Variants in MYO5A observed in about 807,000 individuals in gnomAD.
MYO5A encodes myosin VA, also known as unconventional myosin-Va.
In MYO5A, 98 loss-of-function variants were observed where a neutral mutation model predicts 249.7. The ratio of observed to expected loss-of-function variants is 0.39; its 90% CI spans 0.33 to 0.46. The LOEUF (loss-of-function observed/expected upper bound fraction) is 0.46, where lower values mean the gene tolerates loss of function less well. Among genes scored for constraint, MYO5A ranks in the 20% least tolerant of loss-of-function variants. The pLI is 0.98. For synonymous variants in MYO5A, 778 were observed against 810.6 expected (o/e 0.96, Z 0.68); for missense variants, 1,696 against 2,308.8 (o/e 0.73, Z 5.44).
At chr15:52,375,530 T>C (rs1596366737) in intron 19 of MYO5A, 70 bp from the exon 20 acceptor site, 4 of 1,529,802 alleles carry the variant, frequency 2.6e-6, no homozygotes, top group African/African-American at 2.7e-5. Flanking sequence ...TTAGAGAAAC[T>C]TAAAGAGTGT....
Position 52,313,599 on chromosome 15 carries a change from T to G in MYO5A, c.*97A>C. On this transcript the variant is annotated 3_prime_UTR_variant, in exon 42 of 42. Transcript: ENST00000399233. The stretch of plus-strand genomic sequence containing the variant: ...TTCTCATTTGGGAGATAATCAGTAC[T>G]TTCTCTTTAAAAATGTATTTTCAGT... 6.9e-7 allele frequency: 1 copy of G among 1,453,942 alleles called. No individual in the cohort carries two copies. The highest frequency in any genetic ancestry group is 9.6e-7 in the Non-Finnish European group (1 of 1,043,260). 90.1% of individuals were successfully genotyped at this position (1,453,942 alleles called of 1,614,324 possible).
At chr15:52,493,555 G>A (rs1265050304) in intron 1 of MYO5A, among the ~76,000 whole-genome samples, 6 of 152,036 alleles carry the variant, frequency 3.9e-5, no homozygotes, top group African/African-American at 9.7e-5. Context: ...CCAGCTACTC[G>A]GGAGGCTGAG....
chr15:52,390,441 G>C (rs2042169957), intron 12 of MYO5A, among the ~76,000 whole-genome samples: 1 of 151,366 alleles, frequency 6.6e-6, no homozygotes, highest in African/African-American at 2.4e-5. Flanking sequence ...GTCAAATAAA[G>C]GTAACATCTG....
At chr15:52,336,330 G>C in intron 34 of MYO5A, 133 bp downstream of exon 34, 3 of 649,530 alleles carry the variant, frequency 4.6e-6, no homozygotes, top group Non-Finnish European at 8.3e-6. Context: ...GGTTAGGTTT[G>C]CCAAAAGTCA....
intron 34 of MYO5A, among the ~76,000 whole-genome samples, chr15:52,332,554 T>C (rs1443744701): frequency 6.6e-6 from 1 of 152,236 alleles, no homozygotes; most frequent in Non-Finnish European, 1.5e-5. Flanking sequence ...ACTAAAAACT[T>C]TCTCTCTGCC....
Position 52,389,413 on chromosome 15 carries a change from TCCTCTA to T in MYO5A, c.1543-56_1543-51del, listed in dbSNP as rs1256932948. On this transcript the variant is annotated intron_variant, in intron 12 of 41. Coordinates refer to ENST00000399233, the MANE Select transcript of MYO5A (RefSeq NM_001382347.1). ...AAGAAAACAAGGTAAATACTGTGAT[TCCTCTA>T]AAGCATCAGCTGTCAAAAGATCTTT... The T allele has an allele frequency of 5.1e-6, 8 of 1,560,290 alleles. No homozygotes were observed. The South Asian group carries it at 9.2e-5, about 18-fold the overall frequency.
intron 34 of MYO5A, 107 bp downstream of exon 34, chr15:52,336,356 C>A: frequency 2.9e-6 from 2 of 692,978 alleles, no homozygotes; most frequent in Non-Finnish European, 2.6e-6. Flanking sequence ...TGTTATTATC[C>A]CTAATATTTG....
At chr15:52,400,978 C>T (rs2042727880) in intron 9 of MYO5A, among the ~76,000 whole-genome samples, 1 of 151,922 alleles carries the variant, frequency 6.6e-6, no homozygotes, top group Admixed American at 6.6e-5. Context: ...CTTAGATCTT[C>T]TAACTGGGAT....
At chr15:52,425,602 C>T (rs768944257) in intron 4 of MYO5A, among the ~76,000 whole-genome samples, 33 of 152,268 alleles carry the variant, frequency 2.2e-4, no homozygotes, top group African/African-American at 3.6e-4. Context: ...TCAGGTAATT[C>T]GCCCACCTTG....
Position 52,507,155 on chromosome 15 carries a change from C to T in MYO5A, c.27+21625G>A, listed in dbSNP as rs150434814. ...GAAAAAGGCATATTTGTCTTCGAAC[C>T]TCTATAACAGAAGGAGAAATGGGTT... is the stretch of plus-strand genomic sequence containing the variant. On this transcript the variant is annotated intron_variant, in intron 1 of 41. Transcript: ENST00000399233. Among the ~76,000 whole-genome samples the T allele has an allele frequency of 3.2e-3, 489 of 152,286 alleles. 1 individual carries two copies. Among genetic ancestry groups the T allele is most frequent in the Non-Finnish European group, 4.7e-3 (317 of 68,034 alleles).
At chr15:52,477,155 C>T (rs372952001) in intron 1 of MYO5A, among the ~76,000 whole-genome samples, 2 of 152,194 alleles carry the variant, frequency 1.3e-5, no homozygotes, top group South Asian at 4.1e-4. Context: ...TCTTCAATCA[C>T]TCATATCCTT....
chr15:52,313,838 C>T lies in MYO5A; in HGVS notation c.5501G>A (p.Arg1834Gln), dbSNP rs754970527. Residue 1834 changes from arginine to glutamine, a missense_variant, in exon 42 of 42, where the codon CGA becomes CAA. Coordinates refer to ENST00000399233, the MANE Select transcript of MYO5A (RefSeq NM_001382347.1). ...SFIRTIQMRL[R>Q]DRKDSPQLLM... is the part of the protein sequence containing the mutation. Reference sequence around the variant, plus strand: ...CAGCTGGGGAGAGTCTTTCCTGTCTCGTAAACGCATCTGAGAAGATTAGGA... The same window carrying T: ...CAGCTGGGGAGAGTCTTTCCTGTCTTGTAAACGCATCTGAGAAGATTAGGA... The T allele has an allele frequency of 3.7e-6, 6 of 1,613,630 alleles. No homozygotes were observed. The highest frequency in any genetic ancestry group is 1.3e-5 in the African/African-American group (1 of 74,828).
chr15:52,433,422 T>A (rs1389536787), intron 1 of MYO5A, 137 bp from the exon 2 acceptor site: 1 of 497,312 alleles, frequency 2.0e-6, no homozygotes, highest in Non-Finnish European at 3.5e-6. Context: ...ACTTTTTTTT[T>A]TTTTTTTTTT....
chr15:52,523,762 C>G (rs1458201225), intron 1 of MYO5A, among the ~76,000 whole-genome samples: 1 of 152,144 alleles, frequency 6.6e-6, no homozygotes, highest in African/African-American at 2.4e-5. Flanking sequence ...AAGTCGTTAA[C>G]AGGCCTAGGA....
intron 1 of MYO5A, among the ~76,000 whole-genome samples, chr15:52,504,306 T>C (rs1368253408): frequency 6.6e-6 from 1 of 152,144 alleles, no homozygotes; most frequent in Admixed American, 6.5e-5. Context: ...TTTCTAAGCC[T>C]GGGGAAGATA....
Position 52,312,902 on chromosome 15 carries a change from C to T in MYO5A, c.*794G>A, listed in dbSNP as rs2037828707. The T allele has an allele frequency of 6.6e-6, 1 of 152,490 alleles. No homozygotes were observed. Among genetic ancestry groups the T allele is most frequent in the African/African-American group, 2.4e-5 (1 of 41,462 alleles). 9.4% of individuals were successfully genotyped at this position (152,490 alleles called of 1,614,324 possible). The stretch of plus-strand genomic sequence containing the variant: ...TGTCAAGCATTTTGTCATATTACTA[C>T]ATGACTTTCCAGTGTCTGCTACTTG... On this transcript the variant is annotated 3_prime_UTR_variant, in exon 42 of 42. Coordinates refer to ENST00000399233, the MANE Select transcript of MYO5A (RefSeq NM_001382347.1).
rs749311444 is a variant in MYO5A, at chr15:52,367,016, G to T, written c.3160+15C>A. 1.2e-6 allele frequency: 2 copies of T among 1,605,208 alleles called. No homozygotes were observed. The highest frequency in any genetic ancestry group is 2.2e-5 in the East Asian group (1 of 44,806). On this transcript the variant is annotated intron_variant, in intron 23 of 41. Transcript: ENST00000399233. ...TGTGAGGTTGGTTGGCGTGTAGTAC[G>T]CATATAAGCTTTACCTGTCATCTCC...
At chr15:52,439,331 C>T (rs1447377942) in intron 1 of MYO5A, among the ~76,000 whole-genome samples, 2 of 152,202 alleles carry the variant, frequency 1.3e-5, no homozygotes, top group African/African-American at 2.4e-5. Flanking sequence ...TTTCAGTGAT[C>T]CCCGTTTCCT....
In MYO5A at chr15:52,425,884, T is replaced by A; in HGVS notation, c.401A>T (p.Asp134Val). ...INAYSGQNMGDMDPHIFAVAE... is the reference protein window; with the variant it reads ...INAYSGQNMGVMDPHIFAVAE... ...TACTGCAAAGATATGTGGATCCATA[T>A]CACCCATGTTCTGACCACTGTATGC... Residue 134 changes from aspartate to valine, a missense_variant, in exon 4 of 42, where the codon GAT becomes GTT. By Grantham distance (152) the Asp-to-Val change is radical. Around this residue, in one of 5 missense-constraint regions of MYO5A, gnomAD observed 197 missense variants for 320.3 expected, o/e 0.62. Coordinates refer to ENST00000399233, the MANE Select transcript of MYO5A (RefSeq NM_001382347.1). 1 of 1,614,090 alleles carries A rather than the reference T, an allele frequency of 6.2e-7. No homozygotes were observed. The highest frequency in any genetic ancestry group is 8.5e-7 in the Non-Finnish European group (1 of 1,179,984).
Sources: gnomAD v4.1 joint callset for allele counts (sites outside exome capture counted in the v4.1 genomes callset) on GRCh38, gnomAD v4.1.1 for gene constraint, gnomAD v4.1.1 regional missense constraint, MANE v1.5 for transcripts, NCBI Gene and HGNC (gene_info 2026-07-23, HGNC 2026-07-21) for gene names.